Variants in NOXRED1 observed in about 807,000 individuals in gnomAD.
NOXRED1 encodes NADP-dependent oxidoreductase domain-containing protein 1.
In NOXRED1, 20 loss-of-function variants were observed where a neutral mutation model predicts 30.4. That is an observed-to-expected ratio of 0.66 (90% CI 0.46 to 0.96). The LOEUF (loss-of-function observed/expected upper bound fraction) is 0.96. NOXRED1 is among the 40% of genes least tolerant of loss of function. NOXRED1 has a pLI of 0.00. For synonymous variants in NOXRED1, 155 were observed against 168.0 expected, an observed-to-expected ratio of 0.92 and a Z score of 0.60; for missense variants, 374 against 428.0, an observed-to-expected ratio of 0.87 and a Z score of 1.11.
intron 1 of NOXRED1, among the ~76,000 whole-genome samples, chr14:77,418,825 G>A (rs1894905289): frequency 6.6e-6 from 1 of 151,534 alleles, no homozygotes. Flanking sequence ...CATCACACTT[G>A]GCCAGCTTTT....
In NOXRED1 at chr14:77,406,883, TA is replaced by T; in HGVS notation, c.531-9del. The T allele has an allele frequency of 1.2e-6, 2 of 1,611,706 alleles. No homozygotes were observed. The highest frequency in any genetic ancestry group is 4.5e-5 in the East Asian group (2 of 44,804). Reference sequence around the variant, plus strand: ...TTCAACAGTAGTTTCAGCCTGGAAGTAAAGCCAAGACAGGGAGTGCAATGCC... The same window carrying T: ...TTCAACAGTAGTTTCAGCCTGGAAGTAAGCCAAGACAGGGAGTGCAATGCC... On this transcript the variant is annotated splice_polypyrimidine_tract_variant and intron_variant, in intron 3 of 5. Coordinates refer to ENST00000380835, the MANE Select transcript of NOXRED1 (RefSeq NM_001113475.3).
At chr14:77,421,671 T>C (rs966258652) in intron 1 of NOXRED1, among the ~76,000 whole-genome samples, 7 of 152,232 alleles carry the variant, frequency 4.6e-5, no homozygotes, top group African/African-American at 1.7e-4. Flanking sequence ...TCACTTACTG[T>C]TGGTGCTGGA....
intron 5 of NOXRED1, among the ~76,000 whole-genome samples, chr14:77,399,464 C>A (rs1894268900): frequency 6.6e-6 from 1 of 152,028 alleles, no homozygotes; most frequent in African/African-American, 2.4e-5. Context: ...AATAAAATAA[C>A]TATGACTAAT....
intron 2 of NOXRED1, among the ~76,000 whole-genome samples, chr14:77,409,021 A>G (rs1894568720): frequency 6.7e-6 from 1 of 149,418 alleles, no homozygotes; most frequent in Admixed American, 6.7e-5. Flanking sequence ...GCATGAGGCA[A>G]TATGGATTTT....
intron 1 of NOXRED1, among the ~76,000 whole-genome samples, chr14:77,417,699 T>C (rs1566714138): frequency 6.6e-6 from 1 of 150,888 alleles, no homozygotes. Context: ...AAGATATACG[T>C]TGGATCTTGT....
At chr14:77,400,068 T>C (rs1045751769) in intron 5 of NOXRED1, among the ~76,000 whole-genome samples, 18 of 152,092 alleles carry the variant, frequency 1.2e-4, no homozygotes, top group African/African-American at 4.3e-4. Flanking sequence ...AGTGAAATAT[T>C]TAAAGTGCAG....
chr14:77,418,526 TAC>T (rs2139699759), intron 1 of NOXRED1, among the ~76,000 whole-genome samples: 1 of 151,888 alleles, frequency 6.6e-6, no homozygotes, highest in East Asian at 1.9e-4. Context: ...CATTTTTATA[TAC>T]ATTTTATTTA....
chr14:77,413,947 C>A lies in NOXRED1; in HGVS notation c.336G>T (p.Arg112Ser). The A allele has an allele frequency of 6.3e-7, 1 of 1,589,822 alleles. No homozygotes were observed. The highest frequency in any genetic ancestry group is 8.6e-7 in the Non-Finnish European group (1 of 1,163,350). The change falls in exon 2 of 6, where the codon AGG becomes AGT. Residue 112 changes from arginine to serine, a missense_variant. Arg to Ser is a moderately radical substitution (Grantham distance 110). Coordinates refer to ENST00000380835, the MANE Select transcript of NOXRED1 (RefSeq NM_001113475.3). ...ACTGCTCCTCACCCAGAGTCTCTGG[C>A]CTCCGAGTGGAGATCCGCAGGCTTT... ...PAESLRISTR[R>S]PETLGELQKL...
chr14:77,394,576 C>T lies in NOXRED1; in HGVS notation c.*55G>A. 1 of 1,373,340 alleles carries T rather than the reference C, an allele frequency of 7.3e-7. No individual in the cohort carries two copies. The highest frequency in any genetic ancestry group is 1.0e-6 in the Non-Finnish European group (1 of 973,070). 85.1% of individuals were successfully genotyped at this position (1,373,340 alleles called of 1,614,324 possible). A position where few individuals can be genotyped will look rare whatever the true frequency, so the allele number is the denominator to read the frequency against. Reference sequence around the variant, plus strand: ...ACAGTCAATTGTGATAATCAGGGCACAACTATTATAGGGAAAATCTGTGAG... The same window carrying T: ...ACAGTCAATTGTGATAATCAGGGCATAACTATTATAGGGAAAATCTGTGAG... On this transcript the variant is annotated 3_prime_UTR_variant, in exon 6 of 6. Coordinates refer to ENST00000380835, the MANE Select transcript of NOXRED1 (RefSeq NM_001113475.3).
rs1894128286 is a variant in NOXRED1 at position 77,394,478 on chromosome 14, AAG to A, written c.*151_*152del. 1 of 491,402 alleles carries A rather than the reference AAG, an allele frequency of 2.0e-6. No homozygotes were observed. The highest frequency in any genetic ancestry group is 1.9e-5 in the African/African-American group (1 of 51,334). 30.4% of individuals were successfully genotyped at this position (491,402 alleles called of 1,614,324 possible). On this transcript the variant is annotated 3_prime_UTR_variant, in exon 6 of 6. Transcript: ENST00000380835. ...ACCACTTGTTTTATTCTACATTTTA[AAG>A]AGTCATCAGTACAGTTTTATAATTC...
In NOXRED1 at chr14:77,406,755, A is replaced by T. The variant is rs1176834992; in HGVS notation, c.651T>A (p.Ile217=). The T allele has an allele frequency of 6.2e-7, 1 of 1,614,058 alleles. No individual in the cohort carries two copies. The highest frequency in any genetic ancestry group is 8.5e-7 in the Non-Finnish European group (1 of 1,180,024). The change falls in exon 4 of 6, where the codon ATT becomes ATA. Residue 217 remains isoleucine, a synonymous_variant. Coordinates refer to ENST00000380835, the MANE Select transcript of NOXRED1 (RefSeq NM_001113475.3). The stretch of plus-strand genomic sequence containing the variant: ...GACTGTAGGGACAGGTAGCTTGAAG[A>T]ATCGTAGGATCTTGGAGAGCAGCTA... ...GVIAALQDPT[I]LQATCPYSPA...
intron 5 of NOXRED1, among the ~76,000 whole-genome samples, chr14:77,398,199 TAAA>T (rs1292705005): frequency 6.6e-6 from 1 of 152,128 alleles, no homozygotes; most frequent in Non-Finnish European, 1.5e-5. Context: ...AGTCTGAGAA[TAAA>T]AATGTCAGAC....
In NOXRED1 at chr14:77,406,103, C is replaced by A. The variant is rs760270475; in HGVS notation, c.715G>T (p.Gly239Ter). Residue 239 changes from glycine to a stop codon, truncating the protein, a stop_gained, in exon 5 of 6, where the codon GGA (glycine) becomes TGA (stop). Coordinates refer to ENST00000380835, the MANE Select transcript of NOXRED1 (RefSeq NM_001113475.3). LOFTEE classifies it high-confidence loss of function. Reference protein sequence around the residue: ...GIILNIKWLEGVFYAALNICT... With the variant: ...GIILNIKWLE ...ATGTTTAGGGCCGCATAGAACACTC[C>A]CTCCAACCACTTGATATTGAGGATT... 1.9e-6 allele frequency: 3 copies of A among 1,613,536 alleles called. No homozygotes were observed. The highest frequency in any genetic ancestry group is 2.5e-6 in the Non-Finnish European group (3 of 1,179,594).
chr14:77,419,737 C>T lies in NOXRED1; in HGVS notation c.155+2998G>A, dbSNP rs571645546. Among the ~76,000 whole-genome samples, 388 of 152,008 alleles carry T rather than the reference C, an allele frequency of 2.6e-3. 2 individuals carry two copies. Among genetic ancestry groups the T allele is most frequent in the Non-Finnish European group, 4.4e-3 (296 of 67,948 alleles). On this transcript the variant is annotated intron_variant, in intron 1 of 5. Transcript: ENST00000380835. ...TGCTGGGATTACAGGCGTGAGCCAC[C>T]ACACCTGACCAACAGGTTTTTTTTT... is the stretch of plus-strand genomic sequence containing the variant.
Position 77,414,000 on chromosome 14 carries a change from G to C in NOXRED1, c.283C>G (p.Leu95Val). The change falls in exon 2 of 6, where the codon CTG becomes GTG. Residue 95 changes from leucine to valine, a missense_variant. Leu to Val is a conservative substitution (Grantham distance 32, BLOSUM62 1). Transcript: ENST00000380835. The part of the protein sequence containing the change: ...GHLGKQLAGT[L>V]LQLGPIPAES... ...GCAGGGATGGGGCCAAGCTGCAGCA[G>C]TGTGCCAGCCAGCTGCTTCCCAAGG... 1 of 1,611,620 alleles carries C rather than the reference G, an allele frequency of 6.2e-7. No individual in the cohort carries two copies. The highest frequency in any genetic ancestry group is 8.5e-7 in the Non-Finnish European group (1 of 1,178,248).
At chr14:77,395,874 T>A (rs1894164806) in intron 5 of NOXRED1, among the ~76,000 whole-genome samples, 1 of 151,662 alleles carries the variant, frequency 6.6e-6, no homozygotes, top group South Asian at 2.1e-4. Flanking sequence ...TAGTCTATAG[T>A]GTAATTCAAG....
intron 5 of NOXRED1, among the ~76,000 whole-genome samples, chr14:77,396,745 A>G (rs1434944310): frequency 6.6e-6 from 1 of 152,222 alleles, no homozygotes; most frequent in Non-Finnish European, 1.5e-5. Flanking sequence ...AAACATGTAC[A>G]AGACTTGCAT....
At chr14:77,424,494 A>G (rs1476955965), upstream of NOXRED1, among the ~76,000 whole-genome samples, 2 of 152,152 alleles carry the variant, frequency 1.3e-5, no homozygotes, top group African/African-American at 4.8e-5. Context: ...AATAAAGTAA[A>G]AGCAAAGTCT....
intron 5 of NOXRED1, among the ~76,000 whole-genome samples, chr14:77,395,175 G>A (rs1300291819): frequency 1.4e-5 from 2 of 145,420 alleles, no homozygotes; most frequent in Non-Finnish European, 3.0e-5. Context: ...GCGCGATCTC[G>A]GCTCACTGCA....
Sources: gnomAD v4.1 joint callset for allele counts (sites outside exome capture counted in the v4.1 genomes callset) on GRCh38, gnomAD v4.1.1 for gene constraint, MANE v1.5 for transcripts, NCBI Gene and HGNC (gene_info 2026-07-23, HGNC 2026-07-21) for gene names.